The following SLC35F4 variants were observed in gnomAD, a reference collection of about 807,000 sequenced individuals.
SLC35F4 encodes solute carrier family 35 member F4.
Under a neutral mutation model 44.2 loss-of-function variants are expected in SLC35F4, and 24 were observed. The ratio of observed to expected loss-of-function variants is 0.54; its 90% CI spans 0.39 to 0.76. The LOEUF is 0.76. Ranked by LOEUF, SLC35F4 falls within the 30% of genes least tolerant of loss-of-function variation. The pLI, the probability that SLC35F4 is intolerant of heterozygous loss-of-function variation, is 0.00. For synonymous variants in SLC35F4, 238 were observed against 223.6 expected (o/e 1.06, Z -0.57); for missense variants, 562 against 586.1 (o/e 0.96, Z 0.42).
intron 1 of SLC35F4, among the ~76,000 whole-genome samples, chr14:57,751,134 G>C (rs1594958556): frequency 1.3e-5 from 2 of 152,286 alleles, no homozygotes; most frequent in East Asian, 3.9e-4. Flanking sequence ...ACTACATAAA[G>C]TACATATAAT....
chr14:57,795,684 T>C (rs7143717), intron 1 of SLC35F4, among the ~76,000 whole-genome samples: 24,051 of 152,116 alleles, frequency 0.16, 2,326 homozygotes, highest in African/African-American at 0.27. Context: ...ATAAAGCTGA[T>C]TTCCAAACAG....
intron 1 of SLC35F4, among the ~76,000 whole-genome samples, chr14:57,874,669 T>C (rs1888362151): frequency 6.6e-6 from 1 of 152,182 alleles, no homozygotes; most frequent in African/African-American, 2.4e-5. Flanking sequence ...TCTTCGGCTA[T>C]GTGGCTTTCT....
intron 1 of SLC35F4, among the ~76,000 whole-genome samples, chr14:57,714,121 G>A (rs1013059161): frequency 6.6e-6 from 1 of 152,136 alleles, no homozygotes; most frequent in Non-Finnish European, 1.5e-5. Context: ...AAGGAGAAAT[G>A]CCTACTCAGA....
At chr14:57,591,045 G>A (rs1017841249) in intron 2 of SLC35F4, among the ~76,000 whole-genome samples, 16 of 152,214 alleles carry the variant, frequency 1.1e-4, no homozygotes, top group African/African-American at 3.9e-4. Flanking sequence ...TACATGACTT[G>A]TAAATCTTAT....
chr14:57,856,621 T>C (rs923843234), intron 1 of SLC35F4, among the ~76,000 whole-genome samples: 9 of 152,088 alleles, frequency 5.9e-5, no homozygotes, highest in Non-Finnish European at 1.3e-4. Flanking sequence ...CGATATTTAG[T>C]ATTAACATAG....
chr14:57,646,154 G>T (rs1339109643), intron 1 of SLC35F4, among the ~76,000 whole-genome samples: 2 of 152,058 alleles, frequency 1.3e-5, no homozygotes, highest in South Asian at 2.1e-4. Flanking sequence ...AGTTAGGAAG[G>T]ATTCCCTCTT....
chr14:57,604,087 T>TGA (rs1411908358), intron 1 of SLC35F4: 4 of 152,170 alleles, frequency 2.6e-5, no homozygotes, highest in African/African-American at 9.7e-5. Flanking sequence ...GAGCACCTGG[T>TGA]GGCAAGTTTT....
chr14:57,657,878 C>T (rs532293976), intron 1 of SLC35F4, among the ~76,000 whole-genome samples: 90 of 152,286 alleles, frequency 5.9e-4, no homozygotes, highest in Middle Eastern at 3.4e-3. Context: ...TAGTTTACCA[C>T]TGATATTATA....
At chr14:57,903,472 G>C (rs1368637423) in intron 1 of SLC35F4, among the ~76,000 whole-genome samples, 1 of 152,210 alleles carries the variant, frequency 6.6e-6, no homozygotes, top group African/African-American at 2.4e-5. Flanking sequence ...TCAGAACATA[G>C]TTTAGAAAGT....
intron 1 of SLC35F4, among the ~76,000 whole-genome samples, chr14:57,694,415 C>G (rs1163653311): frequency 6.6e-6 from 1 of 151,940 alleles, no homozygotes; most frequent in East Asian, 1.9e-4. Context: ...TTGCTTTTTT[C>G]ATTTTACATA....
intron 1 of SLC35F4, among the ~76,000 whole-genome samples, chr14:57,700,468 T>C (rs1208686783): frequency 1.3e-5 from 2 of 152,246 alleles, no homozygotes; most frequent in African/African-American, 2.4e-5. Context: ...ACATTTAAGC[T>C]ACTCTACATT....
At chr14:57,876,954 C>T (rs920040139) in intron 1 of SLC35F4, among the ~76,000 whole-genome samples, 3 of 152,040 alleles carry the variant, frequency 2.0e-5, no homozygotes, top group African/African-American at 7.2e-5. Flanking sequence ...TTTTTCTCTC[C>T]TTTTTCAGCT....
chr14:57,731,253 A>C (rs1019149533), intron 1 of SLC35F4, among the ~76,000 whole-genome samples: 1 of 152,176 alleles, frequency 6.6e-6, no homozygotes, highest in Non-Finnish European at 1.5e-5. Context: ...CTTCTTTAAT[A>C]AGTGGGTACC....
Position 57,856,614 on chromosome 14 carries a change from T to C in SLC35F4, c.103+9109A>G, listed in dbSNP as rs866111119. Among the ~76,000 whole-genome samples, 3 of 152,216 alleles carry C rather than the reference T, an allele frequency of 2.0e-5. No homozygotes were observed. The Middle Eastern group carries it at 0.01, about 518-fold the overall frequency. On this transcript the variant is annotated intron_variant, in intron 1 of 7. Transcript: ENST00000556826. ...CTACCATCAATAACATATACAACGA[T>C]ATTTAGTATTAACATAGACCTTATG...
chr14:57,809,732 T>C (rs1300745943), intron 1 of SLC35F4, among the ~76,000 whole-genome samples: 1 of 152,216 alleles, frequency 6.6e-6, no homozygotes, highest in Non-Finnish European at 1.5e-5. Context: ...GTAAACACTG[T>C]TATCGGAGAC....
upstream of SLC35F4, among the ~76,000 whole-genome samples, chr14:57,867,487 G>A (rs144981879): frequency 3.4e-3 from 510 of 152,138 alleles, 1 homozygote; most frequent in Non-Finnish European, 5.8e-3. Flanking sequence ...GGCTAGGAAA[G>A]ATGGAAGGGT....
At chr14:57,766,510 C>A (rs2077237872) in intron 1 of SLC35F4, among the ~76,000 whole-genome samples, 1 of 152,148 alleles carries the variant, frequency 6.6e-6, no homozygotes. Context: ...TAGGCCAGAG[C>A]CTAAGAGCAC....
chr14:57,591,883 T>C (rs2070206110), intron 2 of SLC35F4, among the ~76,000 whole-genome samples: 1 of 152,214 alleles, frequency 6.6e-6, no homozygotes, highest in Non-Finnish European at 1.5e-5. Flanking sequence ...ATATCTGCCT[T>C]TACTGTCACC....
At chr14:57,803,095 G>C (rs1437673118) in intron 1 of SLC35F4, among the ~76,000 whole-genome samples, 1 of 150,892 alleles carries the variant, frequency 6.6e-6, no homozygotes, top group Non-Finnish European at 1.5e-5. Context: ...ACATCAAAAA[G>C]CTTATCCACC....
Sources: gnomAD v4.1 joint callset for allele counts (sites outside exome capture counted in the v4.1 genomes callset) on GRCh38, gnomAD v4.1.1 for gene constraint, MANE v1.5 for transcripts, NCBI Gene and HGNC (gene_info 2026-07-23, HGNC 2026-07-21) for gene names.